NLGN1: variants seen among roughly 807,000 people sequenced by gnomAD.
The protein encoded by NLGN1 is neuroligin 1, also known as neuroligin-1.
A neutral mutation model predicts 65.5 loss-of-function variants in NLGN1; 12 were observed. That is an observed-to-expected ratio of 0.18 (90% CI 0.12 to 0.30). The LOEUF (loss-of-function observed/expected upper bound fraction) is 0.30, where lower values mean the gene tolerates loss of function less well. Ranked by LOEUF, NLGN1 falls within the 10% of genes least tolerant of loss-of-function variation. The pLI is 1.00. For missense variants in NLGN1, 750 were observed against 1,007.1 expected (o/e 0.74, Z 3.46); for synonymous variants, 350 against 359.5 (o/e 0.97, Z 0.30).
chr3:173,463,151 A>G (rs1415779654), intron 2 of NLGN1, among the ~76,000 whole-genome samples: 1 of 152,162 alleles, frequency 6.6e-6, no homozygotes, highest in Non-Finnish European at 1.5e-5. Context: ...GCATGCTAGG[A>G]TGTATGCAAG....
intron 4 of NLGN1, among the ~76,000 whole-genome samples, chr3:174,009,539 A>G (rs7618536): frequency 0.035 from 5,399 of 152,198 alleles, 332 homozygotes; most frequent in African/African-American, 0.12. Context: ...TGCCAAGTTC[A>G]CTCAGCCAGA....
rs900213299 is a variant in NLGN1, at chr3:173,490,978, CT to C, written c.-321+55902del. Among the ~76,000 whole-genome samples the C allele has an allele frequency of 7.2e-4, 110 of 151,966 alleles. 2 individuals carry two copies. Among genetic ancestry groups the C allele is most frequent in the African/African-American group, 2.5e-3 (102 of 41,260 alleles). On this transcript the variant is annotated intron_variant, in intron 2 of 6. Coordinates refer to ENST00000457714, the Ensembl canonical transcript of NLGN1. ...AGACTTTGCTGAAGTTGCTTATCAG[CT>C]TAAGGAGATTTTGGGCTGTGACGAT...
At chr3:173,960,762 C>T (rs1178845978) in intron 4 of NLGN1, among the ~76,000 whole-genome samples, 2 of 151,212 alleles carry the variant, frequency 1.3e-5, no homozygotes, top group Non-Finnish European at 3.0e-5. Flanking sequence ...AGGAAGACAA[C>T]TTATTTTTTT....
intron 3 of NLGN1, among the ~76,000 whole-genome samples, chr3:173,664,699 T>G (rs1241525609): frequency 6.6e-6 from 1 of 152,102 alleles, no homozygotes; most frequent in African/African-American, 2.4e-5. Context: ...GGAAACTGTA[T>G]TATGCCTTAT....
chr3:173,871,713 C>G (rs971174086), intron 4 of NLGN1, among the ~76,000 whole-genome samples: 2 of 152,156 alleles, frequency 1.3e-5, no homozygotes, highest in African/African-American at 2.4e-5. Flanking sequence ...AAGAGTGACT[C>G]CCAGCTGGCT....
At chr3:173,539,668 C>CATATATAACATATATGTACATATGT (rs1560406286) in intron 2 of NLGN1, among the ~76,000 whole-genome samples, 1 of 66,052 alleles carries the variant, frequency 1.5e-5, no homozygotes, top group African/African-American at 3.7e-5. Context: ...TGTATATATG[C>CATATATAACATATATGTACATATGT]ACATATATAA....
chr3:173,747,059 T>TACACACACATAC (rs1775510957), intron 3 of NLGN1, among the ~76,000 whole-genome samples: 1 of 130,332 alleles, frequency 7.7e-6, no homozygotes, highest in African/African-American at 2.8e-5. Context: ...AAATTATATA[T>TACACACACATAC]ACACACACAC....
intron 2 of NLGN1, among the ~76,000 whole-genome samples, chr3:173,493,838 T>TAG (rs1366316675): frequency 3.3e-5 from 5 of 150,582 alleles, no homozygotes; most frequent in Non-Finnish European, 5.9e-5. Flanking sequence ...AATATATATA[T>TAG]ATAGAGAGAG....
intron 4 of NLGN1, among the ~76,000 whole-genome samples, chr3:174,159,407 A>G (rs7623866): frequency 0.24 from 36,742 of 151,624 alleles, 5,228 homozygotes; most frequent in African/African-American, 0.4. Context: ...ACTCAGCTCT[A>G]AGTATAATAT....
At chr3:173,752,487 A>G (rs577687801) in intron 3 of NLGN1, among the ~76,000 whole-genome samples, 27 of 152,120 alleles carry the variant, frequency 1.8e-4, no homozygotes, top group African/African-American at 6.3e-4. Context: ...ATATTCTTCA[A>G]TCCAACCCAG....
At chr3:174,250,393 T>C (rs1281735104) in intron 4 of NLGN1, among the ~76,000 whole-genome samples, 4 of 152,118 alleles carry the variant, frequency 2.6e-5, no homozygotes, top group Non-Finnish European at 5.9e-5. Flanking sequence ...TTCAAATGAG[T>C]TTTTTATTTG....
Position 173,769,028 on chromosome 3 carries a change from CA to C in NLGN1, c.494-38649del, listed in dbSNP as rs1430073920. Among the ~76,000 whole-genome samples the C allele has an allele frequency of 7.2e-5, 11 of 152,262 alleles. No individual in the cohort carries two copies. In the East Asian group the frequency reaches 2.1e-3, roughly 29 times the overall value. Reference sequence around the variant, plus strand: ...CAAGCGATCCACCCTATCAGCCTCCCAAACTACTGGGATTACAGGCCCAGCC... The same window carrying C: ...CAAGCGATCCACCCTATCAGCCTCCCAACTACTGGGATTACAGGCCCAGCC... On this transcript the variant is annotated intron_variant, in intron 3 of 6. Transcript: ENST00000457714.
At chr3:173,825,794 C>T (rs1721223679) in intron 4 of NLGN1, among the ~76,000 whole-genome samples, 1 of 152,000 alleles carries the variant, frequency 6.6e-6, no homozygotes, top group Admixed American at 6.6e-5. Context: ...AAAAATCAGG[C>T]ATCTTTTGCT....
intron 3 of NLGN1, among the ~76,000 whole-genome samples, chr3:173,717,364 C>A (rs1431686765): frequency 6.6e-6 from 1 of 152,068 alleles, no homozygotes; most frequent in Non-Finnish European, 1.5e-5. Flanking sequence ...GGTGCATGTC[C>A]ATTTTTTACA....
chr3:173,809,203 GTGGGC>G (rs148348631), intron 4 of NLGN1, among the ~76,000 whole-genome samples: 1 of 152,272 alleles, frequency 6.6e-6, no homozygotes, highest in African/African-American at 2.4e-5. Flanking sequence ...TATGATTTCT[GTGGGC>G]TGGGATGAGT....
At chr3:173,827,033 A>G (rs1198788344) in intron 4 of NLGN1, among the ~76,000 whole-genome samples, 2 of 152,086 alleles carry the variant, frequency 1.3e-5, no homozygotes, top group Admixed American at 1.3e-4. Flanking sequence ...TCTACCTCTG[A>G]TTAGGTGATT....
intron 4 of NLGN1, among the ~76,000 whole-genome samples, chr3:173,961,770 T>C (rs1713628244): frequency 6.6e-6 from 1 of 152,104 alleles, no homozygotes; most frequent in South Asian, 2.1e-4. Flanking sequence ...TTCCTCTTTT[T>C]TTCTTATTAT....
At chr3:174,013,399 G>A (rs1725924609) in intron 4 of NLGN1, among the ~76,000 whole-genome samples, 1 of 152,068 alleles carries the variant, frequency 6.6e-6, no homozygotes, top group Admixed American at 6.6e-5. Context: ...TGGCTGAAAT[G>A]AAAAATGAAC....
chr3:173,753,973 A>ATAATAG (rs1776696256), intron 3 of NLGN1, among the ~76,000 whole-genome samples: 1 of 146,562 alleles, frequency 6.8e-6, no homozygotes, highest in East Asian at 2.0e-4. Flanking sequence ...ATATAATATA[A>ATAATAG]TATCTACTCA....
Sources: allele counts gnomAD v4.1 joint callset (sites outside exome capture counted in the v4.1 genomes callset), GRCh38; gene constraint gnomAD v4.1.1; transcripts MANE v1.5; gene names NCBI Gene and HGNC (gene_info 2026-07-23, HGNC 2026-07-21).